ZMAT1: variants seen among roughly 807,000 people sequenced by gnomAD.
ZMAT1 encodes the protein zinc finger matrin-type protein 1.
A neutral mutation model predicts 18.5 loss-of-function variants in ZMAT1; 11 were observed. That is an observed-to-expected ratio of 0.59 (90% CI 0.37 to 0.98). The LOEUF is 0.98. ZMAT1 is among the 50% of genes least tolerant of loss of function. The probability of loss-of-function intolerance (pLI) is 0.01; values close to 1 mark genes in which losing one functional copy is unlikely to be tolerated. For missense variants in ZMAT1, 525 were observed against 496.2 expected, an observed-to-expected ratio of 1.06 and a Z score of -0.55; for synonymous variants, 211 against 176.4, an observed-to-expected ratio of 1.20 and a Z score of -1.55.
chrX:101,901,981 T>C (rs1928264072), intron 2 of ZMAT1, among the ~76,000 whole-genome samples: 1 of 111,961 alleles, frequency 8.9e-6, no homozygotes, highest in Non-Finnish European at 1.9e-5. Context: ...GATCTCCCAA[T>C]ATACATGTTC....
chrX:101,884,565 G>A lies in ZMAT1; in HGVS notation c.1033C>T (p.Gln345Ter). 8.3e-7 allele frequency: 1 copy of A among 1,210,969 alleles called. No individual in the cohort carries two copies. Among genetic ancestry groups the A allele is most frequent in the Non-Finnish European group, 1.1e-6 (1 of 895,099 alleles). ...TGAGGTAACTGCTTTTCCATTGCTTGTGAAATATTGTATGGTGCTGCGTAT... is the reference window on the plus strand; with the variant it reads ...TGAGGTAACTGCTTTTCCATTGCTTATGAAATATTGTATGGTGCTGCGTAT... ...RTYAAPYNISQAMEKQLPHSK... is the reference protein window; with the variant it reads ...RTYAAPYNIS The change falls in exon 6 of 6, where the codon CAA (glutamine) becomes TAA (stop). Residue 345 changes from glutamine to a stop codon, truncating the protein, a stop_gained. Transcript: ENST00000651725. LOFTEE classifies it low-confidence loss of function (END_TRUNC).
chrX:101,917,882 C>T (rs1458871915), intron 1 of ZMAT1, among the ~76,000 whole-genome samples: 1 of 112,283 alleles, frequency 8.9e-6, no homozygotes, highest in Non-Finnish European at 1.9e-5. Context: ...CAGTCATTTG[C>T]AACATCATGA....
intron 4 of ZMAT1, among the ~76,000 whole-genome samples, chrX:101,896,668 C>T (rs1927830494): frequency 8.9e-6 from 1 of 112,013 alleles, no homozygotes; most frequent in African/African-American, 3.2e-5. Flanking sequence ...GGCAGGCATG[C>T]CTTAGTCCTA....
intron 5 of ZMAT1, among the ~76,000 whole-genome samples, chrX:101,885,135 T>C (rs988846333): frequency 1.8e-5 from 2 of 110,383 alleles, no homozygotes; most frequent in Non-Finnish European, 3.8e-5. Context: ...AAATTTCCTT[T>C]GGCCCGGGAT....
At chrX:101,887,476 A>G (rs191520010) in intron 4 of ZMAT1, 2 of 118,374 alleles carry the variant, frequency 1.7e-5, no homozygotes, top group East Asian at 5.6e-4. Context: ...GAAGAAGCAA[A>G]TTAATACATT....
chrX:101,914,620 T>C (rs777334276), intron 1 of ZMAT1, among the ~76,000 whole-genome samples: 1 of 111,262 alleles, frequency 9.0e-6, no homozygotes, highest in Non-Finnish European at 1.9e-5. Flanking sequence ...AATTCCTTGA[T>C]AGATACAGCT....
At chrX:101,925,965 C>T (rs1930031541) in intron 1 of ZMAT1, among the ~76,000 whole-genome samples, 1 of 112,196 alleles carries the variant, frequency 8.9e-6, no homozygotes, top group Admixed American at 9.4e-5. Flanking sequence ...TCCCGTGAGG[C>T]AAAACTGCCT....
intron 4 of ZMAT1, chrX:101,892,802 G>C: frequency 1.6e-6 from 1 of 644,595 alleles, no homozygotes; most frequent in Non-Finnish European, 1.9e-6. Context: ...AAGAAAAAGA[G>C]AAAGATTAGA....
At chrX:101,921,044 T>C (rs1468574479) in intron 1 of ZMAT1, among the ~76,000 whole-genome samples, 7 of 111,331 alleles carry the variant, frequency 6.3e-5, no homozygotes, top group Admixed American at 5.7e-4. Context: ...AAAGGATATA[T>C]AAATGTACAT....
chrX:101,893,763 T>C (rs144831771), intron 4 of ZMAT1, among the ~76,000 whole-genome samples: 96 of 111,026 alleles, frequency 8.6e-4, no homozygotes, highest in African/African-American at 2.7e-3. Context: ...CCTGAAGTAA[T>C]TGAATGAGGG....
rs1303341830 is a variant in ZMAT1 at position 101,886,698 on chromosome X, C to T, written c.710G>A (p.Cys237Tyr). ...ATCTAAAGATGTAAAAGCAATACTA[C>T]AAATATGGCAAACATAGGTTCTCAT... ...FSMRTYVCHI[C>Y]SIAFTSLDMF... The change falls in exon 5 of 6, where the codon TGT (cysteine) becomes TAT (tyrosine). Residue 237 changes from cysteine to tyrosine, a missense_variant. Coordinates refer to ENST00000651725, the MANE Select transcript of ZMAT1 (RefSeq NM_001394560.1). 3 of 1,202,394 alleles carry T rather than the reference C, an allele frequency of 2.5e-6. No individual in the cohort carries two copies. The highest frequency in any genetic ancestry group is 3.0e-5 in the East Asian group (1 of 33,676).
chrX:101,898,516 T>C (rs1025635570), intron 2 of ZMAT1, among the ~76,000 whole-genome samples: 1 of 112,308 alleles, frequency 8.9e-6, no homozygotes, highest in Admixed American at 9.4e-5. Flanking sequence ...TAAAAGACTA[T>C]GTTTTTCAGC....
intron 1 of ZMAT1, chrX:101,931,499 T>C: frequency 6.6e-6 from 5 of 752,723 alleles, no homozygotes; most frequent in Non-Finnish European, 7.8e-6. Context: ...CCCCATCCTT[T>C]ACAGGTGGGA....
chrX:101,913,002 A>C (rs1208478772), intron 1 of ZMAT1, among the ~76,000 whole-genome samples: 1 of 111,641 alleles, frequency 9.0e-6, no homozygotes, highest in Non-Finnish European at 1.9e-5. Flanking sequence ...TCTTATAAGC[A>C]ATAGCAAATT....
rs148096219 is a variant in ZMAT1, at chrX:101,904,300, T to C, written c.323A>G (p.Glu108Gly). The change falls in exon 2 of 6, where the codon GAA becomes GGA. Residue 108 changes from glutamate (E) to glycine (G), a missense_variant. Physicochemically the swap from Glu to Gly is moderately conservative, Grantham distance 98 (BLOSUM62 -2). Transcript: ENST00000651725. ...TTGACAAAACTTATCTGTAAAAAGTTCAGCCTTTTCCTGTTCATTCCAAAT... is the reference window on the plus strand; with the variant it reads ...TTGACAAAACTTATCTGTAAAAAGTCCAGCCTTTTCCTGTTCATTCCAAAT... Reference protein sequence around the residue: ...DAIWNEQEKAELFTDKFCQVC... With the variant: ...DAIWNEQEKAGLFTDKFCQVC... 1 of 1,205,881 alleles carries C rather than the reference T, an allele frequency of 8.3e-7. No homozygotes were observed. Among genetic ancestry groups the C allele is most frequent in the African/African-American group, 1.8e-5 (1 of 57,094 alleles).
In ZMAT1 at chrX:101,931,726, G is replaced by A; in HGVS notation, c.283C>T (p.Leu95Phe). Reference sequence around the variant, plus strand: ...CGGGACGGGAACTCACCTTCTCTGAGGCAAGGGCGGGTGTCTACTTTAAAA... The same window carrying A: ...CGGGACGGGAACTCACCTTCTCTGAAGCAAGGGCGGGTGTCTACTTTAAAA... ...SSFKVDTRPC[L>F]REDAIWNEQE... Residue 95 changes from leucine to phenylalanine, a missense_variant, in exon 1 of 6, where the codon CTC (leucine) becomes TTC (phenylalanine). Leu to Phe is a conservative substitution (Grantham distance 22, BLOSUM62 0). Coordinates refer to ENST00000651725, the MANE Select transcript of ZMAT1 (RefSeq NM_001394560.1). 1 of 762,537 alleles carries A rather than the reference G, an allele frequency of 1.3e-6. No individual in the cohort carries two copies. Among genetic ancestry groups the A allele is most frequent in the Non-Finnish European group, 1.6e-6 (1 of 644,723 alleles). 62.8% of individuals were successfully genotyped at this position (762,537 alleles called of 1,213,427 possible).
At chrX:101,917,189 A>G (rs913334024) in intron 1 of ZMAT1, among the ~76,000 whole-genome samples, 1 of 112,118 alleles carries the variant, frequency 8.9e-6, no homozygotes, top group Admixed American at 9.4e-5. Flanking sequence ...GACAAATGGG[A>G]TCATATCAAG....
intron 2 of ZMAT1, 67 bp downstream of exon 2, chrX:101,904,157 T>C: frequency 5.3e-6 from 4 of 759,944 alleles, no homozygotes; most frequent in Non-Finnish European, 5.7e-6. Context: ...TAAGATGACT[T>C]ACAGGAAGTT....
chrX:101,893,617 G>A (rs1302319025), intron 4 of ZMAT1, among the ~76,000 whole-genome samples: 1 of 111,597 alleles, frequency 9.0e-6, no homozygotes, highest in Non-Finnish European at 1.9e-5. Flanking sequence ...ATTTCTGTGC[G>A]AGTTTCTATC....
Sources: allele counts gnomAD v4.1 joint callset (sites outside exome capture counted in the v4.1 genomes callset), GRCh38; gene constraint gnomAD v4.1.1; transcripts MANE v1.5; gene names NCBI Gene and HGNC (gene_info 2026-07-23, HGNC 2026-07-21).